DMGDH: variants seen among roughly 807,000 people sequenced by gnomAD.
DMGDH encodes the protein dimethylglycine dehydrogenase.
Under a neutral mutation model 95.2 loss-of-function variants are expected in DMGDH, and 76 were observed. That is an observed-to-expected ratio of 0.80 (90% confidence interval 0.66 to 0.97). The LOEUF is 0.97. Ranked by LOEUF, DMGDH falls within the 50% of genes least tolerant of loss-of-function variation. The probability of loss-of-function intolerance (pLI) is 0.00; values close to 1 mark genes in which losing one functional copy is unlikely to be tolerated. For missense variants in DMGDH, 987 were observed against 1,055.0 expected, an observed-to-expected ratio of 0.94 and a Z score of 0.89; for synonymous variants, 345 against 377.6, an observed-to-expected ratio of 0.91 and a Z score of 1.00.
intron 14 of DMGDH, among the ~76,000 whole-genome samples, chr5:79,013,743 G>C (rs970413678): frequency 3.3e-5 from 5 of 152,128 alleles, no homozygotes; most frequent in Non-Finnish European, 5.9e-5. Context: ...GAAGGCAAAG[G>C]GGGAGCTGGC....
chr5:79,054,045 A>C, intron 4 of DMGDH, 139 bp downstream of exon 4: 1 of 923,956 alleles, frequency 1.1e-6, no homozygotes, highest in East Asian at 2.6e-5. Context: ...TAAGTTACCC[A>C]AATTCCAAAA....
At chr5:79,056,098 G>A (rs565847927) in intron 2 of DMGDH, among the ~76,000 whole-genome samples, 190 bp from the exon 3 acceptor site, 1 of 152,270 alleles carries the variant, frequency 6.6e-6, no homozygotes, top group South Asian at 2.1e-4. Flanking sequence ...GTTTTAAGAA[G>A]CAATGTGAAC....
In DMGDH at chr5:78,998,013, A is replaced by G; in HGVS notation, c.*69T>C. On this transcript the variant is annotated 3_prime_UTR_variant, in exon 16 of 16. Transcript: ENST00000255189. ...TCCTGGTTTCCTCTATTCCCCTGGG[A>G]GCCAGTTATAATAATTTCAAGGACA... 1 of 1,509,104 alleles carries G rather than the reference A, an allele frequency of 6.6e-7. No homozygotes were observed. Among genetic ancestry groups the G allele is most frequent in the African/African-American group, 1.4e-5 (1 of 72,568 alleles). The allele number at this position is 1,509,104 out of a possible 1,614,324, so 93.5% of individuals were successfully genotyped here. A position where few individuals can be genotyped will look rare whatever the true frequency, so the allele number is the denominator to read the frequency against.
intron 1 of DMGDH, among the ~76,000 whole-genome samples, chr5:79,066,155 T>C (rs1755373057): frequency 1.3e-5 from 2 of 152,252 alleles, no homozygotes; most frequent in Non-Finnish European, 2.9e-5. Context: ...AATCAATTTA[T>C]AGCTACTTTT....
chr5:79,035,903 C>T (rs1422770210), intron 7 of DMGDH, among the ~76,000 whole-genome samples: 1 of 152,128 alleles, frequency 6.6e-6, no homozygotes, highest in Non-Finnish European at 1.5e-5. Context: ...GATGTCAAAA[C>T]CCCTTTATTT....
intron 7 of DMGDH, among the ~76,000 whole-genome samples, chr5:79,034,492 G>A (rs919644055): frequency 2.0e-5 from 3 of 152,128 alleles, no homozygotes; most frequent in Non-Finnish European, 4.4e-5. Context: ...GTCTAATGAA[G>A]GCCTCTACTG....
chr5:79,040,246 T>C (rs1473732550), intron 7 of DMGDH, among the ~76,000 whole-genome samples: 1 of 152,128 alleles, frequency 6.6e-6, no homozygotes, highest in Non-Finnish European at 1.5e-5. Context: ...GGACACCCAG[T>C]TAGTACTAGA....
rs200682213 is a variant in DMGDH, at chr5:79,028,581, T to C, written c.1884A>G (p.Gly628=). 6 of 1,614,150 alleles carry C rather than the reference T, an allele frequency of 3.7e-6. No individual in the cohort carries two copies. The highest frequency in any genetic ancestry group is 5.1e-6 in the Non-Finnish European group (6 of 1,180,008). ...CCTGTGGCCCAGCAACTCCAAGAAC[T>C]CCAAGCTCATCAGTTATGTTTTTAA... ...VEIKNITDEL[G]VLGVAGPQAR... is the part of the protein sequence containing the mutation. Residue 628 remains glycine (G), a synonymous_variant, in exon 12 of 16, where the codon GGA becomes GGG. Transcript: ENST00000255189.
At chr5:79,036,216 A>T (rs140153826) in intron 7 of DMGDH, among the ~76,000 whole-genome samples, 18 of 152,234 alleles carry the variant, frequency 1.2e-4, no homozygotes, top group African/African-American at 4.1e-4. Context: ...GGGCCCTTGT[A>T]TGACCAGTTG....
rs1306638132 is a variant in DMGDH, at chr5:79,000,910, G to A, written c.2386-2613C>T. On this transcript the variant is annotated intron_variant, in intron 15 of 15. Coordinates refer to ENST00000255189, the MANE Select transcript of DMGDH (RefSeq NM_013391.3). ...CCTTTAAGCCAATGAGCATTCAACT[G>A]ATAGACAGGTGGAGCTGTACCTGGG... 4.1e-5 allele frequency: 27 copies of A among 665,644 alleles called. 1 individual carries two copies. The Admixed American group carries it at 5.5e-4, about 14-fold the overall frequency. 41.2% of individuals were successfully genotyped at this position (665,644 alleles called of 1,614,324 possible). A position where few individuals can be genotyped will look rare whatever the true frequency, so the allele number is the denominator to read the frequency against.
At chr5:79,014,694 A>G (rs1272409223) in intron 14 of DMGDH, among the ~76,000 whole-genome samples, 1 of 152,208 alleles carries the variant, frequency 6.6e-6, no homozygotes, top group Middle Eastern at 3.2e-3. Context: ...TGAGGTACCA[A>G]ATGTTCTTTA....
At chr5:79,017,894 T>C (rs1243021093) in intron 14 of DMGDH, among the ~76,000 whole-genome samples, 2 of 152,200 alleles carry the variant, frequency 1.3e-5, no homozygotes, top group Non-Finnish European at 2.9e-5. Flanking sequence ...CCTTGGGCAG[T>C]CATAGAACCA....
intron 7 of DMGDH, among the ~76,000 whole-genome samples, chr5:79,037,474 C>T (rs1754378410): frequency 1.3e-5 from 2 of 151,952 alleles, no homozygotes; most frequent in South Asian, 4.1e-4. Context: ...TCTTAGAAAC[C>T]TCAACTTTAG....
At chr5:79,008,586 T>C (rs1368707217) in intron 14 of DMGDH, among the ~76,000 whole-genome samples, 1 of 152,002 alleles carries the variant, frequency 6.6e-6, no homozygotes, top group Non-Finnish European at 1.5e-5. Flanking sequence ...CAGCTGGGGG[T>C]GCTGGATGAG....
chr5:79,021,690 A>G, intron 14 of DMGDH: 3 of 1,300,794 alleles, frequency 2.3e-6, no homozygotes, highest in Non-Finnish European at 2.0e-6. Context: ...TCCTATCATA[A>G]AACACAAAAT....
At chr5:79,007,521 G>A (rs1753573546) in intron 14 of DMGDH, among the ~76,000 whole-genome samples, 1 of 152,030 alleles carries the variant, frequency 6.6e-6, no homozygotes, top group Admixed American at 6.6e-5. Context: ...TTAAAAAGGA[G>A]ACTTGCAATC....
chr5:79,026,740 C>T (rs1303593604), intron 12 of DMGDH, among the ~76,000 whole-genome samples, 159 bp from the exon 13 acceptor site: 2 of 152,176 alleles, frequency 1.3e-5, no homozygotes, highest in African/African-American at 4.8e-5. Context: ...TACAAGACCC[C>T]ACTGCAAAGA....
At chr5:79,020,535 CT>C (rs1753838135) in intron 14 of DMGDH, 1 of 377,106 alleles carries the variant, frequency 2.7e-6, no homozygotes, top group Non-Finnish European at 3.6e-6. Flanking sequence ...GTGTGGAAGG[CT>C]TGGTACTAAG....
chr5:79,059,902 G>A (rs1755146811), intron 2 of DMGDH, among the ~76,000 whole-genome samples: 1 of 152,102 alleles, frequency 6.6e-6, no homozygotes. Context: ...ACACTCCAAA[G>A]TTCACCCCTC....
Sources: allele counts gnomAD v4.1 joint callset (sites outside exome capture counted in the v4.1 genomes callset), GRCh38; gene constraint gnomAD v4.1.1; transcripts MANE v1.5; gene names NCBI Gene and HGNC (gene_info 2026-07-23, HGNC 2026-07-21).